Variants in ATP8A2 observed in about 807,000 individuals in gnomAD.
The protein encoded by ATP8A2 is ATPase phospholipid transporting 8A2, also known as phospholipid-transporting ATPase IB.
ATP8A2 carries 100 observed loss-of-function variants against 165.6 expected under a neutral mutation model. The observed-to-expected ratio is 0.60, with a 90% CI of 0.51 to 0.71. ATP8A2 has a LOEUF of 0.71. Ranked by LOEUF, ATP8A2 falls within the 30% of genes least tolerant of loss-of-function variation. ATP8A2 has a pLI of 0.00. For missense variants in ATP8A2, 1,227 were observed against 1,479.5 expected (o/e 0.83, Z 2.80); for synonymous variants, 543 against 548.8 (o/e 0.99, Z 0.15).
At chr13:25,815,253 T>G (rs1170333074) in intron 27 of ATP8A2, among the ~76,000 whole-genome samples, 4 of 151,812 alleles carry the variant, frequency 2.6e-5, no homozygotes, top group Admixed American at 2.6e-4. Context: ...ATCAACAGAG[T>G]GAAAAGGCAG....
chr13:25,678,415 C>G (rs899810635), intron 24 of ATP8A2, among the ~76,000 whole-genome samples: 1 of 144,764 alleles, frequency 6.9e-6, no homozygotes, highest in Non-Finnish European at 1.5e-5. Flanking sequence ...AAAGGCCCCA[C>G]TGGAGAGCTG....
rs536123572 is a variant in ATP8A2, at chr13:25,702,049, A to C, written c.2384+2704A>C. Reference sequence around the variant, plus strand: ...AAAAAAAAGAAAAAAGCACTTGTACACTTCAGATGTACTTACTATTCATTG... The same window carrying C: ...AAAAAAAAGAAAAAAGCACTTGTACCCTTCAGATGTACTTACTATTCATTG... On this transcript the variant is annotated intron_variant, in intron 25 of 36. Coordinates refer to ENST00000381655, the MANE Select transcript of ATP8A2 (RefSeq NM_016529.6). Among the ~76,000 whole-genome samples, 8 of 152,330 alleles carry C rather than the reference A, an allele frequency of 5.3e-5. No individual in the cohort carries two copies. In the South Asian group the frequency reaches 1.0e-3, roughly 20 times the overall value.
chr13:25,531,137 G>GTATATATATGT (rs71077479), intron 4 of ATP8A2, among the ~76,000 whole-genome samples: 77,180 of 134,450 alleles, frequency 0.57, 23,875 homozygotes, highest in Non-Finnish European at 0.65. Flanking sequence ...GTGTGTGTGT[G>GTATATATATGT]TATATATATG....
intron 33 of ATP8A2, among the ~76,000 whole-genome samples, chr13:25,892,580 CCTCT>C (rs55782604): frequency 3.5e-5 from 5 of 144,144 alleles, no homozygotes; most frequent in African/African-American, 7.8e-5. Flanking sequence ...AATGGAAACA[CCTCT>C]CTCTCTCTCT....
intron 35 of ATP8A2, among the ~76,000 whole-genome samples, chr13:25,983,517 G>A (rs1956213381): frequency 6.6e-6 from 1 of 152,106 alleles, no homozygotes. Flanking sequence ...CCTGTGAGTA[G>A]GCATATCCTG....
intron 27 of ATP8A2, among the ~76,000 whole-genome samples, chr13:25,789,939 A>G (rs1345103781): frequency 6.6e-6 from 1 of 152,176 alleles, no homozygotes; most frequent in Non-Finnish European, 1.5e-5. Flanking sequence ...ACCTACAACC[A>G]TCTGATCTTC....
chr13:25,972,504 A>C (rs1454156847), intron 35 of ATP8A2, among the ~76,000 whole-genome samples: 5 of 152,134 alleles, frequency 3.3e-5, no homozygotes, highest in Non-Finnish European at 2.9e-5. Flanking sequence ...AGTGTTTTTC[A>C]CGATGTGGTG....
At chr13:25,618,108 C>G (rs2040873220) in intron 24 of ATP8A2, among the ~76,000 whole-genome samples, 1 of 152,100 alleles carries the variant, frequency 6.6e-6, no homozygotes, top group Non-Finnish European at 1.5e-5. Flanking sequence ...TGACATAAGT[C>G]TTATGCTTCC....
At chr13:25,477,838 G>A (rs1269815938) in intron 2 of ATP8A2, among the ~76,000 whole-genome samples, 3 of 152,190 alleles carry the variant, frequency 2.0e-5, no homozygotes, top group Non-Finnish European at 2.9e-5. Flanking sequence ...TCAGGAGGCT[G>A]AGGCTGGAGA....
chr13:25,971,741 G>C (rs968207006), intron 35 of ATP8A2, among the ~76,000 whole-genome samples: 2 of 152,076 alleles, frequency 1.3e-5, no homozygotes, highest in African/African-American at 4.8e-5. Context: ...CCTCCAGGGA[G>C]GGGGCAGTTT....
chr13:25,970,971 G>A (rs529610677), intron 35 of ATP8A2, among the ~76,000 whole-genome samples: 2 of 152,248 alleles, frequency 1.3e-5, no homozygotes, highest in African/African-American at 4.8e-5. Context: ...CTGGTTCCTT[G>A]TAAATTTCAC....
chr13:25,782,929 C>T (rs2044920708), intron 27 of ATP8A2, among the ~76,000 whole-genome samples: 1 of 151,874 alleles, frequency 6.6e-6, no homozygotes, highest in African/African-American at 2.4e-5. Flanking sequence ...TTAGGAGAGA[C>T]AGGGTTTCAC....
At chr13:25,901,675 T>C (rs2138951781) in intron 33 of ATP8A2, among the ~76,000 whole-genome samples, 1 of 152,292 alleles carries the variant, frequency 6.6e-6, no homozygotes, top group East Asian at 1.9e-4. Flanking sequence ...AAATTGGCGC[T>C]GATAACAAAG....
intron 30 of ATP8A2, among the ~76,000 whole-genome samples, chr13:25,840,787 A>G (rs1425583079): frequency 1.3e-5 from 2 of 152,158 alleles, no homozygotes; most frequent in African/African-American, 4.8e-5. Flanking sequence ...AGACTCAGCC[A>G]TCATTGTAGC....
At chr13:25,597,097 CATGTT>C (rs1480211467) in intron 24 of ATP8A2, among the ~76,000 whole-genome samples, 4 of 152,152 alleles carry the variant, frequency 2.6e-5, no homozygotes, top group Non-Finnish European at 5.9e-5. Context: ...TTTAAAAAAA[CATGTT>C]ATATGCTTTT....
At chr13:25,554,568 TTTCTTTTTTAGATGAA>T (rs2038924022) in intron 12 of ATP8A2, among the ~76,000 whole-genome samples, 1 of 149,828 alleles carries the variant, frequency 6.7e-6, no homozygotes, top group East Asian at 2.0e-4. Flanking sequence ...TGTGTGTGTA[TTTCTTTTTTAGATGAA>T]GTCTTGTGCT....
intron 25 of ATP8A2, among the ~76,000 whole-genome samples, chr13:25,727,424 C>T (rs1200117877): frequency 6.6e-6 from 1 of 152,116 alleles, no homozygotes; most frequent in South Asian, 2.1e-4. Flanking sequence ...CCAAGGGAGC[C>T]GCCCCATGCC....
intron 33 of ATP8A2, among the ~76,000 whole-genome samples, chr13:25,874,144 G>A (rs1170898442): frequency 2.0e-5 from 3 of 152,158 alleles, no homozygotes; most frequent in Non-Finnish European, 1.5e-5. Context: ...GTTGCCCTCA[G>A]GATAAAGCCT....
In ATP8A2 at chr13:25,543,377, C is replaced by T; in HGVS notation, c.866C>T (p.Thr289Ile). 2 of 1,608,806 alleles carry T rather than the reference C, an allele frequency of 1.2e-6. No individual in the cohort carries two copies. The highest frequency in any genetic ancestry group is 1.7e-5 in the Admixed American group (1 of 60,004). The stretch of plus-strand genomic sequence containing the variant: ...TGGGTCTTTGGCATAGTTGTTTATA[C>T]TGGACACGACACCAAACTCATGCAG... ...TQWVFGIVVY[T>I]GHDTKLMQNS... The change falls in exon 10 of 37, where the codon ACT (threonine) becomes ATT (isoleucine). Residue 289 changes from threonine (T) to isoleucine (I), a missense_variant. By Grantham distance (89) the Thr-to-Ile change is moderately conservative. Coordinates refer to ENST00000381655, the MANE Select transcript of ATP8A2 (RefSeq NM_016529.6).
Sources: allele counts gnomAD v4.1 joint callset (sites outside exome capture counted in the v4.1 genomes callset), GRCh38; gene constraint gnomAD v4.1.1; transcripts MANE v1.5; gene names NCBI Gene and HGNC (gene_info 2026-07-23, HGNC 2026-07-21).